Variants in LPP observed in about 807,000 individuals in gnomAD.
The protein encoded by LPP is lipoma-preferred partner.
Under a neutral mutation model 60.4 loss-of-function variants are expected in LPP, and 38 were observed. The ratio of observed to expected loss-of-function variants is 0.63; its 90% confidence interval spans 0.49 to 0.83. The LOEUF is 0.83. LPP is among the 40% of genes least tolerant of loss of function. The pLI is 0.00. For synonymous variants in LPP, 328 were observed against 290.8 expected, an observed-to-expected ratio of 1.13 and a Z score of -1.30; for missense variants, 902 against 783.6, an observed-to-expected ratio of 1.15 and a Z score of -1.80.
intron 1 of LPP, among the ~76,000 whole-genome samples, chr3:188,185,644 A>G (rs975612953): frequency 2.6e-5 from 4 of 152,138 alleles, no homozygotes; most frequent in Non-Finnish European, 5.9e-5. Flanking sequence ...TACCTTCCAG[A>G]AAGCTACTTT....
intron 9 of LPP, among the ~76,000 whole-genome samples, chr3:188,798,804 G>C (rs931662388): frequency 6.6e-6 from 1 of 152,172 alleles, no homozygotes. Context: ...AGAGAACAAT[G>C]CTAAGAGAAG....
chr3:188,160,909 G>T (rs1256542676), intron 1 of LPP, among the ~76,000 whole-genome samples: 3 of 152,254 alleles, frequency 2.0e-5, no homozygotes, highest in Non-Finnish European at 4.4e-5. Context: ...AGAAGAACTG[G>T]TGAATGCCTA....
intron 9 of LPP, among the ~76,000 whole-genome samples, chr3:188,844,300 A>G (rs1760897084): frequency 6.6e-6 from 1 of 152,196 alleles, no homozygotes; most frequent in Non-Finnish European, 1.5e-5. Flanking sequence ...TCCTGGGTTA[A>G]TATTATTCAT....
At chr3:188,193,975 C>T (rs1013331628) in intron 1 of LPP, among the ~76,000 whole-genome samples, 1 of 152,190 alleles carries the variant, frequency 6.6e-6, no homozygotes, top group African/African-American at 2.4e-5. Context: ...TAAGGCTCAG[C>T]TCTGCCACTG....
intron 2 of LPP, among the ~76,000 whole-genome samples, chr3:188,298,558 G>A (rs145064072): frequency 6.8e-4 from 104 of 152,268 alleles, no homozygotes; most frequent in African/African-American, 2.4e-3. Context: ...CACACTTCTC[G>A]TGAGGCGCTT....
At chr3:188,870,163 T>C (rs1183761653) in intron 10 of LPP, among the ~76,000 whole-genome samples, 1 of 151,336 alleles carries the variant, frequency 6.6e-6, no homozygotes, top group Non-Finnish European at 1.5e-5. Context: ...TATACATATG[T>C]GTGTTTGTGT....
At chr3:188,755,865 A>C (rs1049132327) in intron 8 of LPP, among the ~76,000 whole-genome samples, 28 of 126,354 alleles carry the variant, frequency 2.2e-4, no homozygotes, top group African/African-American at 5.7e-4. Context: ...AAAAAAAAAA[A>C]CAAAGAAAAG....
chr3:188,313,925 G>C (rs1043506788), intron 2 of LPP, among the ~76,000 whole-genome samples: 28 of 152,102 alleles, frequency 1.8e-4, no homozygotes, highest in African/African-American at 6.8e-4. Flanking sequence ...AATTATATGT[G>C]TGTGTGCCTC....
At chr3:188,266,815 G>A (rs1735745592) in intron 2 of LPP, among the ~76,000 whole-genome samples, 1 of 152,100 alleles carries the variant, frequency 6.6e-6, no homozygotes, top group Non-Finnish European at 1.5e-5. Context: ...CACTTATTTA[G>A]CACTTTCTAT....
At chr3:188,260,084 G>A (rs1233093137) in intron 2 of LPP, among the ~76,000 whole-genome samples, 1 of 151,898 alleles carries the variant, frequency 6.6e-6, no homozygotes, top group African/African-American at 2.4e-5. Flanking sequence ...GTCTCTTTCT[G>A]TCACCCAGGC....
chr3:188,656,496 A>G lies in LPP; in HGVS notation c.1113+46652A>G, dbSNP rs764160892. On this transcript the variant is annotated intron_variant, in intron 7 of 11. Transcript: ENST00000617246. ...CAAACAAACAATTACATTTAAAAAC[A>G]AAGTGTTGGAAAAAACCAGCAACAA... Among the ~76,000 whole-genome samples the G allele has an allele frequency of 6.8e-4, 104 of 152,254 alleles. 2 individuals carry two copies. Among genetic ancestry groups the G allele is most frequent in the Non-Finnish European group, 2.1e-4 (14 of 68,046 alleles).
At chr3:188,284,942 G>A (rs1211654189) in intron 2 of LPP, among the ~76,000 whole-genome samples, 1 of 152,084 alleles carries the variant, frequency 6.6e-6, no homozygotes, top group African/African-American at 2.4e-5. Context: ...GAGATGTATC[G>A]GTTCAGAGCT....
At chr3:188,202,328 A>G (rs1731305174) in intron 1 of LPP, among the ~76,000 whole-genome samples, 1 of 152,120 alleles carries the variant, frequency 6.6e-6, no homozygotes, top group Admixed American at 6.6e-5. Context: ...TTGGACTTTT[A>G]GAGAATACAT....
At chr3:188,259,812 T>C (rs1447907391) in intron 2 of LPP, among the ~76,000 whole-genome samples, 1 of 152,134 alleles carries the variant, frequency 6.6e-6, no homozygotes, top group African/African-American at 2.4e-5. Context: ...GTGACCTAGT[T>C]ACAGAATATC....
At chr3:188,762,028 G>C (rs536881105) in intron 9 of LPP, among the ~76,000 whole-genome samples, 10 of 151,912 alleles carry the variant, frequency 6.6e-5, no homozygotes, top group African/African-American at 2.2e-4. Context: ...TATAGCTCCT[G>C]TCTATTTTTT....
intron 8 of LPP, among the ~76,000 whole-genome samples, chr3:188,754,151 A>C (rs1533819): frequency 0.92 from 139,662 of 152,228 alleles, 64,263 homozygotes; most frequent in East Asian, 1. Context: ...AAGGCTACAG[A>C]AGAGCCATAT....
chr3:188,265,043 C>A (rs1297067549), intron 2 of LPP, among the ~76,000 whole-genome samples: 1 of 152,150 alleles, frequency 6.6e-6, no homozygotes, highest in Non-Finnish European at 1.5e-5. Flanking sequence ...AAACTTCCAC[C>A]CACTTTCTGA....
At chr3:188,786,382 C>CAAAAAAAAAAAAAA (rs57565042) in intron 9 of LPP, among the ~76,000 whole-genome samples, 11 of 76,644 alleles carry the variant, frequency 1.4e-4, no homozygotes, top group African/African-American at 4.3e-4. Context: ...GACTCCGTCT[C>CAAAAAAAAAAAAAA]AAAAAAAAAA....
chr3:188,394,950 A>AATTT (rs578080105), intron 3 of LPP, among the ~76,000 whole-genome samples: 1,553 of 152,316 alleles, frequency 0.01, 27 homozygotes, highest in African/African-American at 0.035. Flanking sequence ...CTCTCTTACA[A>AATTT]AAACTAGTGA....
Sources: allele counts gnomAD v4.1 joint callset (sites outside exome capture counted in the v4.1 genomes callset), GRCh38; gene constraint gnomAD v4.1.1; transcripts MANE v1.5; gene names NCBI Gene and HGNC (gene_info 2026-07-23, HGNC 2026-07-21).